The following RALGAPA2 variants were observed in gnomAD, a reference collection of about 807,000 sequenced individuals.
RALGAPA2 encodes the protein Ral GTPase activating protein catalytic subunit alpha 2.
In RALGAPA2, 139 loss-of-function variants were observed where a neutral mutation model predicts 230.4. The ratio of observed to expected loss-of-function variants is 0.60; its 90% CI spans 0.53 to 0.69. The LOEUF is 0.69. Ranked by LOEUF, RALGAPA2 falls within the 30% of genes least tolerant of loss-of-function variation. The pLI, the probability that RALGAPA2 is intolerant of heterozygous loss-of-function variation, is 0.00. For synonymous variants in RALGAPA2, 847 were observed against 837.8 expected (o/e 1.01, Z -0.19); for missense variants, 2,163 against 2,276.0 (o/e 0.95, Z 1.01).
intron 31 of RALGAPA2, among the ~76,000 whole-genome samples, chr20:20,515,048 C>G (rs1009178852): frequency 3.3e-5 from 5 of 152,222 alleles, no homozygotes; most frequent in African/African-American, 1.2e-4. Flanking sequence ...TCCAGTCTGG[C>G]TCAACCCATT....
intron 24 of RALGAPA2, among the ~76,000 whole-genome samples, chr20:20,539,465 GTTGA>G (rs773506863): frequency 2.8e-4 from 43 of 152,006 alleles, no homozygotes; most frequent in Non-Finnish European, 4.9e-4. Context: ...TTAATTTTGT[GTTGA>G]TTCTTTTTTC....
intron 3 of RALGAPA2, among the ~76,000 whole-genome samples, chr20:20,671,365 AT>A (rs2068129837): frequency 6.6e-6 from 1 of 152,168 alleles, no homozygotes; most frequent in African/African-American, 2.4e-5. Flanking sequence ...TCTACATGGT[AT>A]CGCTTTTGTG....
chr20:20,494,629 G>A (rs6046901), intron 36 of RALGAPA2, among the ~76,000 whole-genome samples: 18 of 152,192 alleles, frequency 1.2e-4, no homozygotes, highest in Admixed American at 5.2e-4. Flanking sequence ...CCAGAGTCCC[G>A]GCCTCTTCGT....
chr20:20,591,200 G>A lies in RALGAPA2; in HGVS notation c.2318C>T (p.Pro773Leu), dbSNP rs200239247. 43 of 1,613,652 alleles carry A rather than the reference G, an allele frequency of 2.7e-5. No homozygotes were observed. The highest frequency in any genetic ancestry group is 1.3e-4 in the African/African-American group (10 of 74,868). Residue 773 changes from proline (P) to leucine (L), a missense_variant, in exon 17 of 40, where the codon CCG becomes CTG. Pro to Leu is a moderately conservative substitution (Grantham distance 98, BLOSUM62 -3). Transcript: ENST00000202677. ...RSSSTSDIPE[P>L]LCSDSSQGQK... ...ACCCTGAGAAGAATCTGAGCACAGC[G>A]GCTCGGGGATGTCGGAGGTGCTGCT...
chr20:20,692,914 T>A (rs1250778461), intron 1 of RALGAPA2, among the ~76,000 whole-genome samples: 1 of 152,208 alleles, frequency 6.6e-6, no homozygotes. Flanking sequence ...ATTACTTGCT[T>A]ATATTTGAGT....
chr20:20,467,530 G>A (rs2061445046), intron 37 of RALGAPA2, among the ~76,000 whole-genome samples: 1 of 152,140 alleles, frequency 6.6e-6, no homozygotes, highest in Non-Finnish European at 1.5e-5. Flanking sequence ...AGATACACGT[G>A]GCCCTGCAGT....
chr20:20,709,162 T>C (rs1343876585), intron 1 of RALGAPA2, among the ~76,000 whole-genome samples: 2 of 149,900 alleles, frequency 1.3e-5, no homozygotes, highest in Non-Finnish European at 3.0e-5. Flanking sequence ...CTACTAAAAA[T>C]ACAAAAATTA....
intron 37 of RALGAPA2, among the ~76,000 whole-genome samples, chr20:20,453,617 C>T (rs2061039605): frequency 6.6e-6 from 1 of 152,226 alleles, no homozygotes; most frequent in African/African-American, 2.4e-5. Context: ...CCTCCAATTG[C>T]CAGGTCACAG....
chr20:20,682,438 A>G (rs998566545), intron 1 of RALGAPA2, among the ~76,000 whole-genome samples: 1 of 152,134 alleles, frequency 6.6e-6, no homozygotes, highest in South Asian at 2.1e-4. Flanking sequence ...ATCTACCACT[A>G]ACTGAGCCCT....
intron 8 of RALGAPA2, among the ~76,000 whole-genome samples, chr20:20,636,552 GTGTGTA>G (rs754038067): frequency 2.6e-5 from 4 of 151,428 alleles, no homozygotes; most frequent in Non-Finnish European, 4.4e-5. Context: ...GTGTGTGTGT[GTGTGTA>G]TGTGTGTGTG....
At chr20:20,591,771 G>A (rs779016892) in intron 16 of RALGAPA2, among the ~76,000 whole-genome samples, 11 of 152,076 alleles carry the variant, frequency 7.2e-5, no homozygotes, top group Non-Finnish European at 1.2e-4. Context: ...CTTTTTAACA[G>A]GTAAGTGCCC....
At chr20:20,603,797 T>C (rs1348025415) in intron 15 of RALGAPA2, among the ~76,000 whole-genome samples, 1 of 152,238 alleles carries the variant, frequency 6.6e-6, no homozygotes, top group Non-Finnish European at 1.5e-5. Flanking sequence ...TAAGTGGTTG[T>C]TATTTTAAGC....
chr20:20,683,623 A>G (rs1339430191), intron 1 of RALGAPA2, among the ~76,000 whole-genome samples: 1 of 152,230 alleles, frequency 6.6e-6, no homozygotes, highest in East Asian at 1.9e-4. Flanking sequence ...TAGCAAATGT[A>G]GACACTATGT....
chr20:20,594,760 G>A (rs537089816), intron 16 of RALGAPA2, among the ~76,000 whole-genome samples: 8 of 135,674 alleles, frequency 5.9e-5, no homozygotes, highest in Non-Finnish European at 1.1e-4. Context: ...ATGGAGTCTC[G>A]CTCTGTCGGC....
Position 20,686,121 on chromosome 20 carries a change from C to A in RALGAPA2, c.107-5320G>T, listed in dbSNP as rs566601806. 3.3e-5 allele frequency among the ~76,000 whole-genome samples: 5 copies of A among 152,336 alleles called. No homozygotes were observed. The South Asian group carries it at 1.0e-3, about 32-fold the overall frequency. On this transcript the variant is annotated intron_variant, in intron 1 of 39. Transcript: ENST00000202677. ...CTCTTGTTGATTAAGTATTTCTCCA[C>A]ATCTAGCTGGAAGGCAACAGCAAAG...
At chr20:20,439,699 A>T (rs1483904089) in intron 37 of RALGAPA2, among the ~76,000 whole-genome samples, 1 of 152,208 alleles carries the variant, frequency 6.6e-6, no homozygotes, top group Non-Finnish European at 1.5e-5. Flanking sequence ...AGCTACATGC[A>T]CAGCTTCAGA....
At chr20:20,708,144 AGATAT>A (rs2069682942) in intron 1 of RALGAPA2, among the ~76,000 whole-genome samples, 2 of 152,236 alleles carry the variant, frequency 1.3e-5, no homozygotes, top group African/African-American at 4.8e-5. Flanking sequence ...GATTACCTGC[AGATAT>A]AATATATATT....
chr20:20,475,990 C>G (rs1431591210), intron 36 of RALGAPA2, among the ~76,000 whole-genome samples: 1 of 152,076 alleles, frequency 6.6e-6, no homozygotes, highest in East Asian at 1.9e-4. Flanking sequence ...TTGTTTATAA[C>G]TGCATCAAAA....
chr20:20,430,922 G>T (rs186062759), intron 37 of RALGAPA2, among the ~76,000 whole-genome samples: 68 of 151,996 alleles, frequency 4.5e-4, no homozygotes, highest in African/African-American at 1.5e-3. Flanking sequence ...ACATAAAGAC[G>T]TTAACTCATG....
Sources: allele counts gnomAD v4.1 joint callset (sites outside exome capture counted in the v4.1 genomes callset), GRCh38; gene constraint gnomAD v4.1.1; transcripts MANE v1.5; gene names NCBI Gene and HGNC (gene_info 2026-07-23, HGNC 2026-07-21).